PRKAR1B: variants seen among roughly 807,000 people sequenced by gnomAD.
The protein encoded by PRKAR1B is protein kinase cAMP-dependent type I regulatory subunit beta.
PRKAR1B carries 22 observed loss-of-function variants against 46.5 expected under a neutral mutation model. The ratio of observed to expected loss-of-function variants is 0.47; its 90% CI spans 0.34 to 0.68. The LOEUF is 0.68. Among genes scored for constraint, PRKAR1B ranks in the 30% least tolerant of loss-of-function variants. The probability of loss-of-function intolerance (pLI) is 0.01; values close to 1 mark genes in which losing one functional copy is unlikely to be tolerated. For missense variants in PRKAR1B, 445 were observed against 535.6 expected (o/e 0.83, Z 1.67); for synonymous variants, 259 against 217.7 (o/e 1.19, Z -1.67).
At chr7:566,562 C>G (rs562501740) in intron 9 of PRKAR1B, among the ~76,000 whole-genome samples, 161 of 152,334 alleles carry the variant, frequency 1.1e-3, no homozygotes, top group Non-Finnish European at 1.9e-3. Context: ...TTGTCATCAC[C>G]TTCACATCAC....
At chr7:575,938 G>A (rs1448479349) in intron 9 of PRKAR1B, among the ~76,000 whole-genome samples, 3 of 151,952 alleles carry the variant, frequency 2.0e-5, no homozygotes, top group African/African-American at 4.8e-5. Context: ...GCTCACGGGC[G>A]AACATGACGC....
At position 668,712 on chromosome 7, in the gene PRKAR1B, G is replaced by A. The variant is rs140474659; in HGVS notation, c.440+8517C>T. On this transcript the variant is annotated intron_variant, in intron 4 of 10. Transcript: ENST00000537384. ...CAGGACCCAGCACTGGACATAAACA[G>A]CTGGGATGGCCCAGAGATATCATTT... Among the ~76,000 whole-genome samples the A allele has an allele frequency of 1.8e-3, 275 of 152,322 alleles. 1 individual carries two copies. Among genetic ancestry groups the A allele is most frequent in the African/African-American group, 6.4e-3 (266 of 41,588 alleles).
In PRKAR1B at chr7:644,999, G is replaced by A. The variant is rs1784555579; in HGVS notation, c.440+32230C>T. Among the ~76,000 whole-genome samples, 1 of 152,194 alleles carries A rather than the reference G, an allele frequency of 6.6e-6. No homozygotes were observed. Among genetic ancestry groups the A allele is most frequent in the East Asian group, 1.9e-4 (1 of 5,196 alleles). On this transcript the variant is annotated intron_variant, in intron 4 of 10. Transcript: ENST00000537384. This position sits in a 1 kb window ranked among gnomAD's most constrained non-coding sequence, Gnocchi z 4.9. ...CCGTCTCTTCAGCCTCTATAAATAA[G>A]GCGCAGTGTGGACGAGTGAGGGCAA...
intron 7 of PRKAR1B, among the ~76,000 whole-genome samples, chr7:594,846 C>T (rs1045983074): frequency 7.9e-5 from 12 of 152,104 alleles, no homozygotes; most frequent in Admixed American, 6.5e-4. Flanking sequence ...GGAGTCCCCC[C>T]CAGATCATGA....
intron 8 of PRKAR1B, among the ~76,000 whole-genome samples, chr7:583,427 C>CACCCAT (rs1780337102): frequency 1.6e-5 from 1 of 63,690 alleles, no homozygotes; most frequent in African/African-American, 7.5e-5. Context: ...CGCACACACG[C>CACCCAT]ACACACCCAC....
At chr7:664,051 G>C (rs1336235884) in intron 4 of PRKAR1B, among the ~76,000 whole-genome samples, 1 of 152,118 alleles carries the variant, frequency 6.6e-6, no homozygotes, top group Admixed American at 6.5e-5. Context: ...GTATTACAAG[G>C]AGCCCCATAG....
chr7:555,903 CG>C (rs1238658762), intron 9 of PRKAR1B, among the ~76,000 whole-genome samples: 3 of 152,182 alleles, frequency 2.0e-5, no homozygotes, highest in Admixed American at 6.5e-5. Flanking sequence ...ACCCAGGCAG[CG>C]TGGGCTTGCA....
chr7:659,251 C>G (rs1347427327), intron 4 of PRKAR1B, among the ~76,000 whole-genome samples: 1 of 152,182 alleles, frequency 6.6e-6, no homozygotes, highest in Non-Finnish European at 1.5e-5. Flanking sequence ...TAGAAAAAAG[C>G]TCAGTAAAGC....
chr7:641,457 C>A, intron 4 of PRKAR1B, among the ~76,000 whole-genome samples: 1 of 152,162 alleles, frequency 6.6e-6, no homozygotes, highest in Middle Eastern at 3.2e-3. Context: ...CCAGATGACG[C>A]CGTATTGTTC....
intron 4 of PRKAR1B, among the ~76,000 whole-genome samples, chr7:663,261 C>T (rs1035810318): frequency 3.3e-5 from 5 of 152,144 alleles, no homozygotes; most frequent in Admixed American, 6.5e-5. Flanking sequence ...GGGTCTTGCC[C>T]TGTCACCCAG....
chr7:706,797 G>A (rs1780354714), intron 2 of PRKAR1B, among the ~76,000 whole-genome samples: 1 of 152,164 alleles, frequency 6.6e-6, no homozygotes, highest in African/African-American at 2.4e-5. Context: ...GAGCACCAGA[G>A]GCCCAGCCCG....
At chr7:696,259 G>C (rs932754541) in intron 2 of PRKAR1B, among the ~76,000 whole-genome samples, 2 of 151,206 alleles carry the variant, frequency 1.3e-5, no homozygotes, top group South Asian at 4.2e-4. Context: ...CACAGCACCC[G>C]GCCCCAATGG....
intron 7 of PRKAR1B, among the ~76,000 whole-genome samples, chr7:587,297 G>A (rs144095853): frequency 2.3e-4 from 35 of 152,322 alleles, no homozygotes; most frequent in African/African-American, 7.5e-4. Context: ...AATGGAGATC[G>A]CAATCAGGCA....
intron 4 of PRKAR1B, among the ~76,000 whole-genome samples, chr7:669,427 C>T (rs1048644614): frequency 6.6e-5 from 10 of 152,068 alleles, no homozygotes; most frequent in Non-Finnish European, 1.0e-4. Context: ...TGGCAGCACA[C>T]CATTGTGAAT....
chr7:710,850 G>C (rs1432966354), intron 2 of PRKAR1B, among the ~76,000 whole-genome samples: 2 of 151,998 alleles, frequency 1.3e-5, no homozygotes, highest in African/African-American at 4.8e-5. Flanking sequence ...CGCCATGTTG[G>C]CCAGGCTGGT....
intron 7 of PRKAR1B, among the ~76,000 whole-genome samples, chr7:594,018 A>G (rs1333492462): frequency 6.6e-6 from 1 of 152,026 alleles, no homozygotes; most frequent in Non-Finnish European, 1.5e-5. Context: ...ATGGCCATCA[A>G]ATCCTTGTTC....
At chr7:583,245 C>T (rs941599820) in intron 8 of PRKAR1B, among the ~76,000 whole-genome samples, 1 of 152,112 alleles carries the variant, frequency 6.6e-6, no homozygotes, top group African/African-American at 2.4e-5. Context: ...AAGACCCGCA[C>T]GCTCCTTTCT....
At chr7:569,082 CAGAG>C (rs1362016764) in intron 9 of PRKAR1B, among the ~76,000 whole-genome samples, 1 of 148,900 alleles carries the variant, frequency 6.7e-6, no homozygotes, top group East Asian at 2.0e-4. Flanking sequence ...AAAAAAAAAT[CAGAG>C]AGAAAATATC....
intron 4 of PRKAR1B, among the ~76,000 whole-genome samples, chr7:657,600 G>A (rs374820864): frequency 3.3e-5 from 5 of 152,168 alleles, no homozygotes; most frequent in Non-Finnish European, 7.3e-5. Flanking sequence ...ACCCAGCGGC[G>A]CCAGGGGCTG....
Sources: gnomAD v4.1 joint callset for allele counts (sites outside exome capture counted in the v4.1 genomes callset) on GRCh38, gnomAD v4.1.1 for gene constraint, Gnocchi (gnomAD v3.1) non-coding constraint, MANE v1.5 for transcripts, NCBI Gene and HGNC (gene_info 2026-07-23, HGNC 2026-07-21) for gene names.